Variants in COL27A1 observed in about 807,000 individuals in gnomAD.
The protein encoded by COL27A1 is collagen type XXVII alpha 1 chain, also known as collagen alpha-1(XXVII) chain.
Under a neutral mutation model 251.3 loss-of-function variants are expected in COL27A1, and 106 were observed. That is an observed-to-expected ratio of 0.42 (90% CI 0.36 to 0.50). The LOEUF (loss-of-function observed/expected upper bound fraction) is 0.50, where lower values mean the gene tolerates loss of function less well. Ranked by LOEUF, COL27A1 falls within the 20% of genes least tolerant of loss-of-function variation. The pLI, the probability that COL27A1 is intolerant of heterozygous loss-of-function variation, is 0.00. For missense variants in COL27A1, 2,325 were observed against 2,522.8 expected, an observed-to-expected ratio of 0.92 and a Z score of 1.68; for synonymous variants, 1,000 against 986.3, an observed-to-expected ratio of 1.01 and a Z score of -0.26.
intron 13 of COL27A1, 69 bp from the exon 14 acceptor site, chr9:114,222,154 A>T (rs1448745501): frequency 2.2e-6 from 3 of 1,393,196 alleles, no homozygotes; most frequent in Non-Finnish European, 3.1e-6. Flanking sequence ...TGTGTGGAGG[A>T]TGACATGGAG....
chr9:114,197,531 A>G (rs1164783693), intron 7 of COL27A1, among the ~76,000 whole-genome samples: 1 of 152,212 alleles, frequency 6.6e-6, no homozygotes, highest in Non-Finnish European at 1.5e-5. Context: ...TTCCGGTCCC[A>G]GCTCATAAAG....
chr9:114,188,265 T>G (rs1052005637), intron 5 of COL27A1, among the ~76,000 whole-genome samples: 1 of 152,198 alleles, frequency 6.6e-6, no homozygotes, highest in East Asian at 1.9e-4. Context: ...AACTTCCAGG[T>G]CATCAGGTCA....
At chr9:114,240,862 A>G (rs544277603) in intron 21 of COL27A1, among the ~76,000 whole-genome samples, 1 of 152,344 alleles carries the variant, frequency 6.6e-6, no homozygotes, top group African/African-American at 2.4e-5. Context: ...ACTGAGGCCC[A>G]GAGAGGAAAA....
In COL27A1 at chr9:114,245,688, T is replaced by C. The variant is rs76092843; in HGVS notation, c.2935-178T>C. Among the ~76,000 whole-genome samples, 17 of 152,320 alleles carry C rather than the reference T, an allele frequency of 1.1e-4. No homozygotes were observed. The East Asian group carries it at 3.3e-3, about 29-fold the overall frequency. On this transcript the variant is annotated intron_variant, in intron 23 of 60. Transcript: ENST00000356083. Reference sequence around the variant, plus strand: ...AGAGTCATGTCTGCCTGAGGTTCTGTCCAAGTACCCCTTTGACTCTGCCCA... The same window carrying C: ...AGAGTCATGTCTGCCTGAGGTTCTGCCCAAGTACCCCTTTGACTCTGCCCA...
intron 7 of COL27A1, among the ~76,000 whole-genome samples, chr9:114,196,360 C>A (rs965960879): frequency 6.6e-6 from 1 of 152,228 alleles, no homozygotes; most frequent in Non-Finnish European, 1.5e-5. Context: ...GCTCCACCAC[C>A]CACTGTCTGA....
At chr9:114,302,211 C>CT in intron 56 of COL27A1, 103 bp downstream of exon 56, 1 of 976,814 alleles carries the variant, frequency 1.0e-6, no homozygotes, top group Non-Finnish European at 1.6e-6. Context: ...GAGCCCTAAG[C>CT]TGGGTCTAGG....
At chr9:114,303,617 T>C (rs944140532) in intron 56 of COL27A1, among the ~76,000 whole-genome samples, 12 of 152,194 alleles carry the variant, frequency 7.9e-5, no homozygotes, top group Non-Finnish European at 1.2e-4. Flanking sequence ...AGGTCCATTT[T>C]CAAGATGAAA....
chr9:114,269,508 G>A (rs11790525), intron 35 of COL27A1, among the ~76,000 whole-genome samples: 5 of 151,586 alleles, frequency 3.3e-5, no homozygotes, highest in South Asian at 4.2e-4. Flanking sequence ...CCAGCTACTC[G>A]GGGGGCTGAG....
intron 11 of COL27A1, 146 bp from the exon 12 acceptor site, chr9:114,210,836 C>T: frequency 4.2e-6 from 3 of 717,726 alleles, no homozygotes; most frequent in East Asian, 2.6e-5. Context: ...GTCTGATGTG[C>T]ATGTCACTGG....
At chr9:114,307,483 G>T in intron 58 of COL27A1, 186 bp from the exon 59 acceptor site, 1 of 588,152 alleles carries the variant, frequency 1.7e-6, no homozygotes, top group Non-Finnish European at 3.0e-6. Flanking sequence ...GGCTCTGCCA[G>T]TTGTGAGCTC....
At chr9:114,189,955 T>G (rs781735007) in intron 5 of COL27A1, among the ~76,000 whole-genome samples, 1 of 152,246 alleles carries the variant, frequency 6.6e-6, no homozygotes, top group Non-Finnish European at 1.5e-5. Context: ...AAGAACATAT[T>G]GTTGTCTCAT....
intron 5 of COL27A1, among the ~76,000 whole-genome samples, chr9:114,185,364 C>G (rs1449117188): frequency 1.3e-5 from 2 of 152,248 alleles, no homozygotes; most frequent in African/African-American, 2.4e-5. Context: ...AAATGTCATG[C>G]CCTTTGCCTG....
chr9:114,172,685 T>C (rs572852339), intron 3 of COL27A1, among the ~76,000 whole-genome samples: 2 of 152,174 alleles, frequency 1.3e-5, no homozygotes, highest in South Asian at 2.1e-4. Context: ...TCCCAGTTAC[T>C]TGGGAGGCCG....
chr9:114,238,273 G>A lies in COL27A1; in HGVS notation c.2727+558G>A, dbSNP rs1041762190. ...TGTGTGTGATCATTGGCATAGGTAG[G>A]CTACACCTGAATGATCAACTCGGAA... is the stretch of plus-strand genomic sequence containing the variant. On this transcript the variant is annotated intron_variant, in intron 19 of 60. Transcript: ENST00000356083. Among the ~76,000 whole-genome samples, 44 of 152,246 alleles carry A rather than the reference G, an allele frequency of 2.9e-4. 2 individuals are homozygous for A. Among genetic ancestry groups the A allele is most frequent in the African/African-American group, 9.2e-4 (38 of 41,462 alleles).
At chr9:114,178,535 G>T (rs1827649320) in intron 4 of COL27A1, among the ~76,000 whole-genome samples, 191 bp downstream of exon 4, 1 of 152,142 alleles carries the variant, frequency 6.6e-6, no homozygotes, top group African/African-American at 2.4e-5. Context: ...ATATGGCATG[G>T]AACAGCAATG....
intron 35 of COL27A1, among the ~76,000 whole-genome samples, chr9:114,269,592 G>A (rs933796076): frequency 7.8e-6 from 1 of 128,374 alleles, no homozygotes; most frequent in African/African-American, 3.1e-5. Flanking sequence ...TCCAGCCCGG[G>A]TGACAGAGGA....
At chr9:114,210,701 T>A (rs940279928) in intron 11 of COL27A1, among the ~76,000 whole-genome samples, 1 of 151,668 alleles carries the variant, frequency 6.6e-6, no homozygotes, top group African/African-American at 2.4e-5. Context: ...ACTTGTAACC[T>A]CCATAAGCTG....
chr9:114,253,925 A>G (rs1205406449), intron 27 of COL27A1, among the ~76,000 whole-genome samples: 1 of 152,126 alleles, frequency 6.6e-6, no homozygotes, highest in African/African-American at 2.4e-5. Context: ...CACTCACTGC[A>G]ACCTCCACCT....
At chr9:114,260,602 A>G (rs902553569) in intron 28 of COL27A1, among the ~76,000 whole-genome samples, 1 of 151,992 alleles carries the variant, frequency 6.6e-6, no homozygotes, top group Admixed American at 6.6e-5. Context: ...TATGTGTAGG[A>G]CGGGCCCTGC....
Sources: gnomAD v4.1 joint callset for allele counts (sites outside exome capture counted in the v4.1 genomes callset) on GRCh38, gnomAD v4.1.1 for gene constraint, MANE v1.5 for transcripts, NCBI Gene and HGNC (gene_info 2026-07-23, HGNC 2026-07-21) for gene names.